Variants in MORN1 observed in about 807,000 individuals in gnomAD.
The protein encoded by MORN1 is MORN repeat containing 1, also known as MORN repeat-containing protein 1.
A neutral mutation model predicts 61.9 loss-of-function variants in MORN1; 67 were observed. The observed-to-expected ratio is 1.08, with a 90% confidence interval of 0.89 to 1.33. The LOEUF (loss-of-function observed/expected upper bound fraction) is 1.33. Ranked by LOEUF, MORN1 falls within the 40% of genes most tolerant of loss-of-function variation. The pLI is 0.00. For missense variants in MORN1, 752 were observed against 691.2 expected (o/e 1.09, Z -0.99); for synonymous variants, 301 against 292.0 (o/e 1.03, Z -0.31).
At chr1:2,323,774 G>T (rs562143452) in intron 13 of MORN1, 26 of 985,292 alleles carry the variant, frequency 2.6e-5, no homozygotes, top group Middle Eastern at 5.2e-4. Context: ...AGCTCCCCTC[G>T]GCTCCCCTTG....
Position 2,350,427 on chromosome 1 carries a change from T to A in MORN1, c.1036+7005A>T, listed in dbSNP as rs1315646751. 3.3e-5 allele frequency: 5 copies of A among 152,340 alleles called. 1 individual carries two copies. The highest frequency in any genetic ancestry group is 2.1e-4 in the South Asian group (1 of 4,828). 9.4% of individuals were successfully genotyped at this position (152,340 alleles called of 1,614,324 possible). A position where few individuals can be genotyped will look rare whatever the true frequency, so the allele number is the denominator to read the frequency against. On this transcript the variant is annotated intron_variant, in intron 10 of 13. Coordinates refer to ENST00000378531, the MANE Select transcript of MORN1 (RefSeq NM_024848.3). ...AAAGAGAAAGGATTTGCCCTCTTTG[T>A]CGATTTATTTGTACCAGTGAAAGGC...
chr1:2,358,101 CCT>C (rs1415289168), intron 9 of MORN1, among the ~76,000 whole-genome samples: 1 of 152,146 alleles, frequency 6.6e-6, no homozygotes, highest in Non-Finnish European at 1.5e-5. Flanking sequence ...GCAGCTCAGG[CCT>C]CTGTTTGCGT....
chr1:2,333,734 C>A (rs1460730703), intron 12 of MORN1, among the ~76,000 whole-genome samples: 2 of 152,246 alleles, frequency 1.3e-5, no homozygotes, highest in East Asian at 3.9e-4. Context: ...AGCTTCCACT[C>A]CTTTGGCCCT....
In MORN1 at chr1:2,385,609, A is replaced by G. The variant is rs1290984088; in HGVS notation, c.449+198T>C. ...TTGGTCAATTTCAATAAACAAGGGG[A>G]AAATTACAGAATAACACCGAAACCA... On this transcript the variant is annotated intron_variant, in intron 5 of 13. Transcript: ENST00000378531. 1.7e-5 allele frequency: 8 copies of G among 483,614 alleles called. No individual in the cohort carries two copies. The East Asian group carries it at 2.4e-4, about 15-fold the overall frequency. The allele number at this position is 483,614 out of a possible 1,614,324, so 30.0% of individuals were successfully genotyped here.
intron 6 of MORN1, chr1:2,375,253 T>C (rs1433360389): frequency 6.6e-6 from 1 of 152,254 alleles, no homozygotes; most frequent in Non-Finnish European, 1.5e-5. Flanking sequence ...TTCTGTTCAC[T>C]CTCTGGCAGG....
At chr1:2,370,288 TC>T (rs572436211) in intron 8 of MORN1, among the ~76,000 whole-genome samples, 39 of 152,218 alleles carry the variant, frequency 2.6e-4, no homozygotes, top group African/African-American at 8.4e-4. Flanking sequence ...TGATTGAACA[TC>T]CCCATGAAGA....
chr1:2,368,704 G>C (rs1190043427), intron 8 of MORN1, among the ~76,000 whole-genome samples: 1 of 152,150 alleles, frequency 6.6e-6, no homozygotes, highest in Non-Finnish European at 1.5e-5. Flanking sequence ...TTAGCCTTTA[G>C]GGAAATGTAA....
chr1:2,369,264 G>A (rs562987391), intron 8 of MORN1, among the ~76,000 whole-genome samples: 6 of 149,798 alleles, frequency 4.0e-5, no homozygotes, highest in African/African-American at 1.5e-4. Context: ...TGAGGCAGGA[G>A]AATGGTGTGA....
At position 2,321,510 on chromosome 1, in the gene MORN1, A is replaced by G. The variant is rs772142576; in HGVS notation, c.1367T>C (p.Phe456Ser). ...PFLGRRLPPA[F>S]KHLRVVAKRA... is the part of the protein sequence containing the mutation. ...CTTCGCTACGACCCGCAGGTGTTTG[A>G]AGGCCGGGGGCAGCCTGCGCCCCAG... Residue 456 changes from phenylalanine to serine, a missense_variant, in exon 14 of 14, where the codon TTC (phenylalanine) becomes TCC (serine). Phe to Ser is a radical substitution (Grantham distance 155). Transcript: ENST00000378531. 3 of 1,533,738 alleles carry G rather than the reference A, an allele frequency of 2.0e-6. No homozygotes were observed. The African/African-American group carries it at 4.1e-5, about 21-fold the overall frequency.
In MORN1 at chr1:2,357,811, C is replaced by G. The variant is rs903912; in HGVS notation, c.870-213G>C. ...CCAGGGAGAAGACAGCAGGTCTTGG[C>G]TTGAAGGAAGAGCTGCCTGCCGCCC... is the stretch of plus-strand genomic sequence containing the variant. On this transcript the variant is annotated intron_variant, in intron 9 of 13. Transcript: ENST00000378531. This position sits in a 1 kb window ranked among gnomAD's most constrained non-coding sequence, Gnocchi z 6.3. Among the ~76,000 whole-genome samples the G allele has an allele frequency of 0.16, 24,210 of 152,028 alleles. 2,313 individuals carry two copies. Among genetic ancestry groups the G allele is most frequent in the East Asian group, 0.39 (1,991 of 5,126 alleles).
intron 12 of MORN1, among the ~76,000 whole-genome samples, chr1:2,329,646 G>C (rs930532435): frequency 2.0e-5 from 3 of 152,208 alleles, no homozygotes; most frequent in Admixed American, 2.0e-4. Context: ...TCCTGGCCAC[G>C]GGGTCAGCAG....
chr1:2,364,110 C>A lies in MORN1; in HGVS notation c.746-5395G>T, dbSNP rs1557883241. 3.3e-5 allele frequency among the ~76,000 whole-genome samples: 5 copies of A among 152,162 alleles called. 1 individual carries two copies. In the South Asian group the frequency reaches 8.3e-4, roughly 25 times the overall value. The stretch of plus-strand genomic sequence containing the variant: ...GTTAAAAGTAAAAGGATGGATAGAG[C>A]TACACCATGCTAATGCTAGTCAAAA... On this transcript the variant is annotated intron_variant, in intron 8 of 13. Coordinates refer to ENST00000378531, the MANE Select transcript of MORN1 (RefSeq NM_024848.3).
At chr1:2,361,768 C>CGTGGAT (rs1301987030) in intron 8 of MORN1, among the ~76,000 whole-genome samples, 1 of 152,120 alleles carries the variant, frequency 6.6e-6, no homozygotes, top group African/African-American at 2.4e-5. Context: ...GCTGAACATC[C>CGTGGAT]ACATGTCAAT....
chr1:2,343,097 T>G (rs1356380422), intron 10 of MORN1, among the ~76,000 whole-genome samples: 1 of 151,972 alleles, frequency 6.6e-6, no homozygotes, highest in African/African-American at 2.4e-5. Flanking sequence ...TCCAGTAGCC[T>G]CCATCCTTCC....
At chr1:2,330,764 G>A (rs545236560) in intron 12 of MORN1, among the ~76,000 whole-genome samples, 2 of 152,258 alleles carry the variant, frequency 1.3e-5, no homozygotes, top group Admixed American at 1.3e-4. Context: ...GAGGGACCCC[G>A]TCCCGGGCTG....
At chr1:2,380,318 G>A (rs1200592243) in intron 6 of MORN1, among the ~76,000 whole-genome samples, 2 of 152,278 alleles carry the variant, frequency 1.3e-5, no homozygotes, top group East Asian at 3.9e-4. Context: ...AAATGTGCCC[G>A]TGCCTCCTGC....
chr1:2,322,778 G>A, intron 13 of MORN1: 1 of 985,466 alleles, frequency 1.0e-6, no homozygotes, highest in East Asian at 1.1e-4. Flanking sequence ...GGGGGGCCGA[G>A]AGCTCAGTGG....
intron 8 of MORN1, among the ~76,000 whole-genome samples, chr1:2,368,430 G>A (rs751842688): frequency 2.0e-5 from 3 of 152,220 alleles, no homozygotes; most frequent in African/African-American, 7.2e-5. Flanking sequence ...CTAGGGAAGC[G>A]GCAGTAACTT....
intron 10 of MORN1, among the ~76,000 whole-genome samples, chr1:2,354,643 C>A (rs564016631): frequency 1.3e-5 from 2 of 152,364 alleles, no homozygotes; most frequent in South Asian, 2.1e-4. Context: ...GACCCCAGGC[C>A]ACGCTCCTCT....
Sources: gnomAD v4.1 joint callset for allele counts (sites outside exome capture counted in the v4.1 genomes callset) on GRCh38, gnomAD v4.1.1 for gene constraint, Gnocchi (gnomAD v3.1) non-coding constraint, MANE v1.5 for transcripts, NCBI Gene and HGNC (gene_info 2026-07-23, HGNC 2026-07-21) for gene names.